The following RARG variants were observed in gnomAD, a reference collection of about 807,000 sequenced individuals.
RARG encodes the protein RAR-gamma.
RARG carries 17 observed loss-of-function variants against 43.7 expected under a neutral mutation model. The ratio of observed to expected loss-of-function variants is 0.39; its 90% confidence interval spans 0.27 to 0.58. The LOEUF (loss-of-function observed/expected upper bound fraction) is 0.58. Among genes scored for constraint, RARG ranks in the 20% least tolerant of loss-of-function variants. RARG has a pLI of 0.57. For synonymous variants in RARG, 238 were observed against 236.4 expected (o/e 1.01, Z -0.06); for missense variants, 346 against 598.7 (o/e 0.58, Z 4.40).
At chr12:53,223,564 C>T (rs1943036013) in intron 3 of RARG, among the ~76,000 whole-genome samples, 1 of 148,196 alleles carries the variant, frequency 6.7e-6, no homozygotes, top group Admixed American at 7.2e-5. Context: ...CAATCAAAGC[C>T]CCGTTTGTGT....
rs184216214 is a variant in RARG at position 53,212,478 on chromosome 12, G to A, written c.1177+607C>T. ...GGCAGGGTCTTGCTGGGTTACCCAGGCTGGACTGCAGTGGCTATTCACAGG... is the reference window on the plus strand; with the variant it reads ...GGCAGGGTCTTGCTGGGTTACCCAGACTGGACTGCAGTGGCTATTCACAGG... On this transcript the variant is annotated intron_variant, in intron 9 of 9. Coordinates refer to ENST00000425354, the MANE Select transcript of RARG (RefSeq NM_000966.6). Among the ~76,000 whole-genome samples the A allele has an allele frequency of 1.2e-4, 19 of 152,210 alleles. No individual in the cohort carries two copies. In the East Asian group the frequency reaches 3.7e-3, roughly 29 times the overall value.
chr12:53,225,638 C>T (rs1329284873), intron 3 of RARG, among the ~76,000 whole-genome samples: 1 of 152,190 alleles, frequency 6.6e-6, no homozygotes, highest in Non-Finnish European at 1.5e-5. Flanking sequence ...AACTCTGTCT[C>T]TGAAATTGCT....
At chr12:53,229,898 T>C (rs1943190504) in intron 2 of RARG, 1 of 928,730 alleles carries the variant, frequency 1.1e-6, no homozygotes, top group Non-Finnish European at 1.3e-6. Flanking sequence ...GATGCTCAGC[T>C]CCTGATCCTC....
intron 3 of RARG, chr12:53,220,208 G>T (rs1040215303): frequency 6.5e-7 from 1 of 1,546,102 alleles, no homozygotes; most frequent in Admixed American, 2.0e-5. Flanking sequence ...GGAGGGGGAG[G>T]GCTAGCATAG....
chr12:53,225,260 C>T (rs2120719942), intron 3 of RARG, among the ~76,000 whole-genome samples: 1 of 152,328 alleles, frequency 6.6e-6, no homozygotes, highest in South Asian at 2.1e-4. Flanking sequence ...TGTTGGACTA[C>T]AGACATGCCA....
At chr12:53,218,348 C>T (rs1942836583) in intron 3 of RARG, among the ~76,000 whole-genome samples, 2 of 152,174 alleles carry the variant, frequency 1.3e-5, no homozygotes, top group African/African-American at 4.8e-5. Context: ...AACCTAGGGC[C>T]AGTCAAGCCC....
chr12:53,221,844 C>T (rs945056906), intron 3 of RARG, among the ~76,000 whole-genome samples: 3 of 151,700 alleles, frequency 2.0e-5, no homozygotes, highest in African/African-American at 4.8e-5. Flanking sequence ...GCGCCCGGCC[C>T]GGCCCTTCCC....
intron 1 of RARG, chr12:53,231,606 C>CG (rs1045930438): frequency 1.2e-4 from 18 of 153,190 alleles, no homozygotes; most frequent in African/African-American, 3.9e-4. Context: ...CCTCAGAGCC[C>CG]GGGGGTAAGG....
intron 2 of RARG, among the ~76,000 whole-genome samples, chr12:53,228,459 T>C (rs1008238235): frequency 6.6e-6 from 1 of 152,240 alleles, no homozygotes; most frequent in African/African-American, 2.4e-5. Context: ...CTTTGTACCT[T>C]ATTTTCCTCC....
At chr12:53,220,230 G>A in intron 3 of RARG, 2 of 1,182,686 alleles carry the variant, frequency 1.7e-6, no homozygotes, top group Non-Finnish European at 2.3e-6. Flanking sequence ...GCGCTGGGCT[G>A]CATGCGGGTA....
At chr12:53,218,770 G>A (rs1942851683) in intron 3 of RARG, among the ~76,000 whole-genome samples, 1 of 151,848 alleles carries the variant, frequency 6.6e-6, no homozygotes. Context: ...GACCTGGCGT[G>A]CGCACTCCCC....
At position 53,215,434 on chromosome 12, in the gene RARG, C is replaced by T. The variant is rs1942733243; in HGVS notation, c.334G>A (p.Gly112Ser). Reference protein sequence around the residue: ...YGVSSCEGCKGFFRRSIQKNM... With the variant: ...YGVSSCEGCKSFFRRSIQKNM... ...TTCTGGATGCTTCGGCGAAAGAAGC[C>T]CTGGAGTTGAGGGAAAGAGAGAGGG... Residue 112 changes from glycine (G) to serine (S), a missense_variant and splice_region_variant, in exon 5 of 10, where the codon GGC becomes AGC. By Grantham distance (56) the Gly-to-Ser change is moderately conservative (BLOSUM62 0). This residue lies in a region of RARG where 50 missense variants were observed against 117.7 expected (regional missense o/e 0.42). Coordinates refer to ENST00000425354, the MANE Select transcript of RARG (RefSeq NM_000966.6). The surrounding 1 kb of genome is among the most constrained non-coding windows in gnomAD (Gnocchi z 6.4). The T allele has an allele frequency of 6.2e-7, 1 of 1,613,996 alleles. No homozygotes were observed. Among genetic ancestry groups the T allele is most frequent in the Non-Finnish European group, 8.5e-7 (1 of 1,179,950 alleles).
In RARG at chr12:53,211,302, T is replaced by G. The variant is rs192483880; in HGVS notation, c.*374A>C. 1.1e-5 allele frequency: 2 copies of G among 178,218 alleles called. No individual in the cohort carries two copies. The highest frequency in any genetic ancestry group is 2.8e-4 in the East Asian group (2 of 7,082). 11.0% of individuals were successfully genotyped at this position (178,218 alleles called of 1,614,324 possible). On this transcript the variant is annotated 3_prime_UTR_variant, in exon 10 of 10. Transcript: ENST00000425354. This position sits in a 1 kb window ranked among gnomAD's most constrained non-coding sequence, Gnocchi z 4.6. ...TTGTCCCCTTTTTGGTCTCTAGTGT[T>G]CCTGTTTGCTCTCAGAGAGCCAAGC...
At position 53,211,548 on chromosome 12, in the gene RARG, CAAG is replaced by C. The variant is rs1157370630; in HGVS notation, c.*125_*127del. ...GCACCCCTAGAAACTTTGGCAAAAA[CAAG>C]GAGCTCATTGGAAGGGGTGGGGAGA... On this transcript the variant is annotated 3_prime_UTR_variant, in exon 10 of 10. Transcript: ENST00000425354. The surrounding 1 kb of genome is among the most constrained non-coding windows in gnomAD (Gnocchi z 4.6). 25 of 941,430 alleles carry C rather than the reference CAAG, an allele frequency of 2.7e-5. No individual in the cohort carries two copies. The highest frequency in any genetic ancestry group is 3.5e-5 in the Non-Finnish European group (24 of 692,816). The allele number at this position is 941,430 out of a possible 1,614,324, so 58.3% of individuals were successfully genotyped here.
rs756212298 is a variant in RARG, at chr12:53,214,275, G to A, written c.637-40C>T. The A allele has an allele frequency of 3.8e-6, 6 of 1,580,744 alleles. No individual in the cohort carries two copies. In the African/African-American group the frequency reaches 6.7e-5, roughly 18 times the overall value. On this transcript the variant is annotated intron_variant, in intron 6 of 9. Transcript: ENST00000425354. ...GGTAGAAGGTTGGAAGGCAAGCTAAGGCCCACCTCTGGGGGCTGTCTTCTC... is the reference window on the plus strand; with the variant it reads ...GGTAGAAGGTTGGAAGGCAAGCTAAAGCCCACCTCTGGGGGCTGTCTTCTC...
At chr12:53,229,202 A>G (rs1173857767) in intron 2 of RARG, among the ~76,000 whole-genome samples, 1 of 152,210 alleles carries the variant, frequency 6.6e-6, no homozygotes, top group African/African-American at 2.4e-5. Context: ...TATGAAGGGC[A>G]GAGAAGGGCC....
Position 53,215,715 on chromosome 12 carries a change from C to T in RARG, c.264G>A (p.Lys88=), listed in dbSNP as rs1470028713. The part of the protein sequence containing the change: ...PSPPPPPRVY[K]PCFVCNDKSS... Reference sequence around the variant, plus strand: ...ACTTGTCATTGCACACGAAGCATGGCTTGTAGACCCGAGGAGGCGGAGGGG... The same window carrying T: ...ACTTGTCATTGCACACGAAGCATGGTTTGTAGACCCGAGGAGGCGGAGGGG... Residue 88 remains lysine (K), a synonymous_variant, in exon 4 of 10, where the codon AAG becomes AAA. Coordinates refer to ENST00000425354, the MANE Select transcript of RARG (RefSeq NM_000966.6). This position sits in a 1 kb window ranked among gnomAD's most constrained non-coding sequence, Gnocchi z 6.4. 3.1e-6 allele frequency: 5 copies of T among 1,613,780 alleles called. No homozygotes were observed. Among genetic ancestry groups the T allele is most frequent in the Non-Finnish European group, 4.2e-6 (5 of 1,179,942 alleles).
Position 53,212,844 on chromosome 12 carries a change from T to C in RARG, c.1177+241A>G, listed in dbSNP as rs553451182. On this transcript the variant is annotated intron_variant, in intron 9 of 9. Coordinates refer to ENST00000425354, the MANE Select transcript of RARG (RefSeq NM_000966.6). ...GTTGCAGTAGTCACATTTCAGATGC[T>C]TAATAGCCACATGTGGCTAATGACT... Among the ~76,000 whole-genome samples the C allele has an allele frequency of 4.6e-5, 7 of 152,180 alleles. No individual in the cohort carries two copies. In the South Asian group the frequency reaches 1.2e-3, roughly 27 times the overall value.
chr12:53,220,243 G>A (rs1226984772), intron 3 of RARG: 8 of 1,495,924 alleles, frequency 5.3e-6, no homozygotes, highest in African/African-American at 1.4e-5. Flanking sequence ...TGCGGGTAAG[G>A]GGTGGGCGGG....
Sources: gnomAD v4.1 joint callset for allele counts (sites outside exome capture counted in the v4.1 genomes callset) on GRCh38, gnomAD v4.1.1 for gene constraint, gnomAD v4.1.1 regional missense constraint, Gnocchi (gnomAD v3.1) non-coding constraint, MANE v1.5 for transcripts, NCBI Gene and HGNC (gene_info 2026-07-23, HGNC 2026-07-21) for gene names.